The following ITFG1 variants were observed in gnomAD, a reference collection of about 807,000 sequenced individuals.
ITFG1 encodes the protein integrin alpha FG-GAP repeat containing 1, also known as T-cell immunomodulatory protein.
ITFG1 carries 34 observed loss-of-function variants against 81.8 expected under a neutral mutation model. That is an observed-to-expected ratio of 0.42 (90% confidence interval 0.32 to 0.55). ITFG1 has a LOEUF of 0.55. Among genes scored for constraint, ITFG1 ranks in the 20% least tolerant of loss-of-function variants. ITFG1 has a pLI of 0.17. For synonymous variants in ITFG1, 285 were observed against 270.6 expected, an observed-to-expected ratio of 1.05 and a Z score of -0.52; for missense variants, 672 against 755.4, an observed-to-expected ratio of 0.89 and a Z score of 1.29.
At chr16:47,396,637 A>C (rs1005626946) in intron 6 of ITFG1, among the ~76,000 whole-genome samples, 1 of 149,816 alleles carries the variant, frequency 6.7e-6, no homozygotes, top group Non-Finnish European at 1.5e-5. Context: ...GCATATTTGC[A>C]AGAGAGGGTT....
intron 8 of ITFG1, among the ~76,000 whole-genome samples, chr16:47,358,391 C>T (rs1968067872): frequency 6.6e-6 from 1 of 152,076 alleles, no homozygotes; most frequent in African/African-American, 2.4e-5. Flanking sequence ...TATTTAAATG[C>T]TAAATAACAG....
chr16:47,413,172 A>G (rs1162199598), intron 6 of ITFG1, among the ~76,000 whole-genome samples: 2 of 152,224 alleles, frequency 1.3e-5, no homozygotes, highest in Non-Finnish European at 2.9e-5. Context: ...TCTCAGCAGA[A>G]ACCTACGAGC....
At chr16:47,223,246 A>C (rs971374933) in intron 13 of ITFG1, among the ~76,000 whole-genome samples, 2 of 152,138 alleles carry the variant, frequency 1.3e-5, no homozygotes, top group African/African-American at 4.8e-5. Context: ...GGATCTAATT[A>C]AACCAAAGAG....
rs1969056031 is a variant in ITFG1 at position 47,428,793 on chromosome 16, G to A, written c.655+11C>T. The A allele has an allele frequency of 6.5e-7, 1 of 1,549,592 alleles. No individual in the cohort carries two copies. The highest frequency in any genetic ancestry group is 1.1e-5 in the South Asian group (1 of 88,440). ...TAACTCAAAACAATTCCAGATTTAT[G>A]TGCAACTCACCTGCTGTAAAATCTT... On this transcript the variant is annotated intron_variant, in intron 6 of 17. Coordinates refer to ENST00000320640, the MANE Select transcript of ITFG1 (RefSeq NM_030790.5).
intron 6 of ITFG1, among the ~76,000 whole-genome samples, chr16:47,411,131 G>C (rs185550647): frequency 6.6e-6 from 1 of 152,328 alleles, no homozygotes; most frequent in East Asian, 1.9e-4. Flanking sequence ...CACAGCTCAG[G>C]AGTGCCAAAC....
intron 6 of ITFG1, among the ~76,000 whole-genome samples, chr16:47,414,748 A>G (rs557713106): frequency 6.6e-6 from 1 of 152,302 alleles, no homozygotes; most frequent in Admixed American, 6.5e-5. Context: ...TGAAGATAGT[A>G]GTTGCCTCTC....
chr16:47,260,661 A>G lies in ITFG1; in HGVS notation c.1105T>C (p.Cys369Arg), dbSNP rs781335286. 6.2e-7 allele frequency: 1 copy of G among 1,614,154 alleles called. No individual in the cohort carries two copies. The highest frequency in any genetic ancestry group is 1.7e-5 in the Admixed American group (1 of 60,020). ...QQAFLLENVP[C>R]NNASCEEARR... ...GCCTCTTCACAGCTTGCATTATTAC[A>G]AGGGACGTTCTCCAGTAAAAAGGCC... The change falls in exon 11 of 18, where the codon TGT becomes CGT. Residue 369 changes from cysteine to arginine, a missense_variant. Cys to Arg is a radical substitution (Grantham distance 180). Around this residue, in one of 3 missense-constraint regions of ITFG1, gnomAD observed 560 missense variants for 625.7 expected, o/e 0.90. Transcript: ENST00000320640.
At chr16:47,372,380 G>A (rs989330003) in intron 7 of ITFG1, among the ~76,000 whole-genome samples, 5 of 151,972 alleles carry the variant, frequency 3.3e-5, no homozygotes, top group African/African-American at 1.2e-4. Context: ...GAGTAGTTGG[G>A]AGACATATCT....
chr16:47,247,683 A>T (rs1966018450), intron 12 of ITFG1, among the ~76,000 whole-genome samples: 1 of 152,194 alleles, frequency 6.6e-6, no homozygotes, highest in Non-Finnish European at 1.5e-5. Context: ...GAAATAATTT[A>T]TAAGGTTTAT....
intron 14 of ITFG1, among the ~76,000 whole-genome samples, chr16:47,210,538 T>C (rs1965549998): frequency 6.6e-6 from 1 of 152,212 alleles, no homozygotes; most frequent in African/African-American, 2.4e-5. Flanking sequence ...TGAAGTCTTG[T>C]AAATATTTCC....
rs536103526 is a variant in ITFG1 at position 47,218,929 on chromosome 16, T to C, written c.1392A>G (p.Gln464=). 3 of 1,599,186 alleles carry C rather than the reference T, an allele frequency of 1.9e-6. No homozygotes were observed. Among genetic ancestry groups the C allele is most frequent in the Non-Finnish European group, 2.6e-6 (3 of 1,172,522 alleles). The part of the protein sequence containing the change: ...PRKITPFGVN[Q]PGPYIMYTTV... ...TTGTATACATGATATAAGGTCCAGG[T>C]TGATTCACTCCAAAGGGCTGCAATA... Residue 464 remains glutamine (Q), a synonymous_variant, in exon 14 of 18, where the codon CAA becomes CAG. Transcript: ENST00000320640.
At chr16:47,181,565 C>G (rs1965122361) in intron 14 of ITFG1, among the ~76,000 whole-genome samples, 1 of 133,692 alleles carries the variant, frequency 7.5e-6, no homozygotes, top group Non-Finnish European at 1.6e-5. Context: ...GGGGGGTCAG[C>G]CCCCCCGCCC....
At chr16:47,256,860 C>T (rs34213592) in intron 12 of ITFG1, among the ~76,000 whole-genome samples, 4,163 of 152,326 alleles carry the variant, frequency 0.027, 94 homozygotes, top group Non-Finnish European at 0.043. Context: ...AATATTTCTA[C>T]AAAGTACATG....
chr16:47,398,423 C>T (rs1313649968), intron 6 of ITFG1, among the ~76,000 whole-genome samples: 2 of 152,180 alleles, frequency 1.3e-5, no homozygotes, highest in East Asian at 1.9e-4. Context: ...TATTTTAACC[C>T]TCCTCTTCAA....
chr16:47,361,896 CT>C (rs1235207426), intron 8 of ITFG1, among the ~76,000 whole-genome samples: 1 of 152,108 alleles, frequency 6.6e-6, no homozygotes, highest in Non-Finnish European at 1.5e-5. Context: ...GTTTGGAGGG[CT>C]CATCTCAGTC....
chr16:47,199,660 T>TCCATGGACC (rs1965400735), intron 14 of ITFG1, among the ~76,000 whole-genome samples: 1 of 152,184 alleles, frequency 6.6e-6, no homozygotes, highest in Non-Finnish European at 1.5e-5. Flanking sequence ...AGACAATTTT[T>TCCATGGACC]CCATGGACCC....
intron 5 of ITFG1, among the ~76,000 whole-genome samples, chr16:47,446,244 A>G (rs1969323317): frequency 1.3e-5 from 2 of 152,290 alleles, no homozygotes; most frequent in South Asian, 4.1e-4. Context: ...AGATACACAG[A>G]AGACTGGGAA....
chr16:47,367,702 G>T (rs1456919916), intron 7 of ITFG1, among the ~76,000 whole-genome samples: 1 of 152,182 alleles, frequency 6.6e-6, no homozygotes, highest in Non-Finnish European at 1.5e-5. Flanking sequence ...GATTTTTCAT[G>T]TGACAAGCAA....
chr16:47,344,719 C>G (rs140367851), intron 8 of ITFG1, among the ~76,000 whole-genome samples: 3 of 152,184 alleles, frequency 2.0e-5, no homozygotes, highest in African/African-American at 7.2e-5. Context: ...TCCCCACACA[C>G]CTCATTACCC....
Sources: gnomAD v4.1 joint callset for allele counts (sites outside exome capture counted in the v4.1 genomes callset) on GRCh38, gnomAD v4.1.1 for gene constraint, gnomAD v4.1.1 regional missense constraint, MANE v1.5 for transcripts, NCBI Gene and HGNC (gene_info 2026-07-23, HGNC 2026-07-21) for gene names.